Variants in LINC00632 observed in about 807,000 individuals in gnomAD.
LINC00632 encodes the protein long independently transcribed non-coding RNA 632.
intron 2 of LINC00632, among the ~76,000 whole-genome samples, chrX:140,718,646 G>A (rs1192259408): frequency 9.0e-6 from 1 of 111,168 alleles, no homozygotes; most frequent in Non-Finnish European, 1.9e-5. Context: ...CCTGACCTCA[G>A]GTGATCCACC....
chrX:140,757,869 T>C (rs1931521437), intron 3 of LINC00632, among the ~76,000 whole-genome samples: 1 of 111,678 alleles, frequency 9.0e-6, no homozygotes, highest in Non-Finnish European at 1.9e-5. Context: ...ATCCAGCCTC[T>C]TTGTACATGT....
chrX:140,725,656 G>T (rs1437658297), intron 2 of LINC00632, among the ~76,000 whole-genome samples: 2 of 111,822 alleles, frequency 1.8e-5, no homozygotes, highest in African/African-American at 6.5e-5. Flanking sequence ...ACACTACCCA[G>T]ACATACCCAT....
At chrX:140,788,289 C>A (rs1427941315) in exon 5 of LINC00632, among the ~76,000 whole-genome samples, 1 of 109,820 alleles carries the variant, frequency 9.1e-6, no homozygotes, top group Non-Finnish European at 1.9e-5. Flanking sequence ...ATTGAAATCC[C>A]ATTATTATTT....
At chrX:140,732,943 A>G (rs994070738) in intron 2 of LINC00632, among the ~76,000 whole-genome samples, 1 of 110,789 alleles carries the variant, frequency 9.0e-6, no homozygotes, top group African/African-American at 3.3e-5. Context: ...TTGTATTTTT[A>G]GTAGAGACGG....
At chrX:140,740,028 TCTC>T (rs1209357282) in intron 3 of LINC00632, among the ~76,000 whole-genome samples, 1 of 111,839 alleles carries the variant, frequency 8.9e-6, no homozygotes, top group African/African-American at 3.3e-5. Flanking sequence ...TCATTATACA[TCTC>T]CTCATAATTG....
At chrX:140,747,638 T>G (rs1931347069) in intron 3 of LINC00632, among the ~76,000 whole-genome samples, 1 of 110,757 alleles carries the variant, frequency 9.0e-6, no homozygotes, top group Non-Finnish European at 1.9e-5. Flanking sequence ...GTGTACTGGC[T>G]TTGATTTTTG....
intron 3 of LINC00632, among the ~76,000 whole-genome samples, chrX:140,749,500 C>T (rs1275340863): frequency 9.0e-6 from 1 of 110,643 alleles, no homozygotes; most frequent in Non-Finnish European, 1.9e-5. Context: ...GTGAACTGCC[C>T]AGATATCAAG....
intron 3 of LINC00632, among the ~76,000 whole-genome samples, chrX:140,747,134 T>A (rs1381965942): frequency 8.9e-6 from 1 of 112,253 alleles, no homozygotes; most frequent in Non-Finnish European, 1.9e-5. Flanking sequence ...AAAACTTTGT[T>A]GTATTTGGAA....
intron 3 of LINC00632, among the ~76,000 whole-genome samples, chrX:140,735,131 C>T (rs965667068): frequency 1.8e-5 from 2 of 111,546 alleles, no homozygotes; most frequent in Admixed American, 1.9e-4. Context: ...CGGAGAATGA[C>T]TCTTACTTAT....
chrX:140,715,558 G>T (rs917205279), intron 2 of LINC00632, among the ~76,000 whole-genome samples: 22 of 109,645 alleles, frequency 2.0e-4, no homozygotes, highest in African/African-American at 7.3e-4. Context: ...TCATGCCATT[G>T]CACTCCACCT....
chrX:140,745,591 T>G (rs1471758959), intron 3 of LINC00632, among the ~76,000 whole-genome samples: 1 of 111,534 alleles, frequency 9.0e-6, no homozygotes, highest in Non-Finnish European at 1.9e-5. Context: ...CAGCCGTAGT[T>G]TCCAGACAGT....
chrX:140,783,690 A>T (rs137987410), exon 5 of LINC00632: 1 of 1,211,227 alleles, frequency 8.3e-7, no homozygotes, highest in Non-Finnish European at 1.1e-6. Flanking sequence ...CTTCCAGAAA[A>T]ATCTACGTCT....
chrX:140,730,026 G>A (rs1054373011), intron 2 of LINC00632, among the ~76,000 whole-genome samples: 3 of 109,162 alleles, frequency 2.7e-5, no homozygotes, highest in African/African-American at 1.0e-4. Flanking sequence ...ACAGGCGCAC[G>A]CCACCGTGCC....
intron 3 of LINC00632, among the ~76,000 whole-genome samples, chrX:140,754,039 G>T (rs1931455450): frequency 9.0e-6 from 1 of 111,600 alleles, no homozygotes; most frequent in Non-Finnish European, 1.9e-5. Flanking sequence ...CTCCCAAAGT[G>T]CTGGGATTAC....
intron 3 of LINC00632, among the ~76,000 whole-genome samples, chrX:140,771,784 A>G (rs1229698671): frequency 9.7e-6 from 1 of 103,546 alleles, no homozygotes; most frequent in Non-Finnish European, 2.0e-5. Context: ...GGTTCAAGTG[A>G]TTCTCCTGCC....
intron 3 of LINC00632, among the ~76,000 whole-genome samples, chrX:140,768,419 A>C: frequency 9.2e-6 from 1 of 108,221 alleles, no homozygotes; most frequent in Non-Finnish European, 1.9e-5. Flanking sequence ...TAGTGTTAAC[A>C]CATCCATTCT....
intron 3 of LINC00632, among the ~76,000 whole-genome samples, chrX:140,748,813 A>C (rs1442801642): frequency 1.9e-5 from 2 of 106,038 alleles, no homozygotes; most frequent in Non-Finnish European, 3.8e-5. Flanking sequence ...GATATATTTT[A>C]TCTATGATAT....
At chrX:140,786,260 T>C (rs1035574686) in exon 5 of LINC00632, among the ~76,000 whole-genome samples, 1 of 112,255 alleles carries the variant, frequency 8.9e-6, no homozygotes, top group Non-Finnish European at 1.9e-5. Flanking sequence ...TCAACAAATA[T>C]TTATTGAGCG....
chrX:140,709,824 T>C (rs1315886515), intron 1 of LINC00632: 7 of 339,214 alleles, frequency 2.1e-5, no homozygotes, highest in Non-Finnish European at 4.1e-5. Flanking sequence ...CTGAGAAATA[T>C]TTTGTAAAAT....
Sources: allele counts gnomAD v4.1 joint callset (sites outside exome capture counted in the v4.1 genomes callset), GRCh38; gene constraint gnomAD v4.1.1; transcripts MANE v1.5; gene names NCBI Gene and HGNC (gene_info 2026-07-23, HGNC 2026-07-21).